Variants in NBPF14 observed in about 807,000 individuals in gnomAD.
NBPF14 encodes the protein NBPF member 14, also known as NBPF family member NBPF14.
Under a neutral mutation model 91.2 loss-of-function variants are expected in NBPF14, and 104 were observed. That is an observed-to-expected ratio of 1.14 (90% CI 0.97 to 1.34). The LOEUF (loss-of-function observed/expected upper bound fraction) is 1.34, where lower values mean the gene tolerates loss of function less well. NBPF14 is among the 40% of genes most tolerant of loss of function. The pLI, the probability that NBPF14 is intolerant of heterozygous loss-of-function variation, is 0.00. For synonymous variants in NBPF14, 294 were observed against 303.8 expected (o/e 0.97, Z 0.34); for missense variants, 908 against 783.0 (o/e 1.16, Z -1.91).
intron 4 of NBPF14, 111 bp downstream of exon 4, chr1:148,592,441 G>A (rs1171872951): frequency 2.9e-6 from 2 of 696,062 alleles, no homozygotes; most frequent in Non-Finnish European, 4.7e-6. Flanking sequence ...TGGCCACATA[G>A]GTGTAGTAGA....
chr1:148,533,874 G>A (rs1654310437), exon 70 of NBPF14: 8 of 763,450 alleles, frequency 1.0e-5, no homozygotes, highest in Admixed American at 8.6e-5. Flanking sequence ...GGGCATGGTG[G>A]GTTTTGATCT....
intron 6 of NBPF14, among the ~76,000 whole-genome samples, chr1:148,590,202 A>C (rs1571051404): frequency 7.4e-6 from 1 of 135,120 alleles, no homozygotes; most frequent in Non-Finnish European, 1.6e-5. Context: ...GGCGCCCACC[A>C]CCACGCCCAG....
intron 4 of NBPF14, 111 bp from the exon 5 acceptor site, chr1:148,591,615 G>T: frequency 1.5e-6 from 2 of 1,333,146 alleles, no homozygotes; most frequent in Non-Finnish European, 2.1e-6. Flanking sequence ...GCATTGTACT[G>T]AAAACTCTCA....
chr1:148,533,768 G>A lies in NBPF14; in HGVS notation c.8723+93C>T, dbSNP rs1370595366. On this transcript the variant is annotated intron_variant, in intron 70 of 70. Transcript: ENST00000619423. ...CAGTAGGAGTAATTCAGCCTTTGTT[G>A]AAAATATGACATCAAACACACTCTG... is the stretch of plus-strand genomic sequence containing the variant. The A allele has an allele frequency of 1.2e-5, 9 of 762,510 alleles. 1 individual carries two copies. In the East Asian group the frequency reaches 1.9e-4, roughly 16 times the overall value. 47.2% of individuals were successfully genotyped at this position (762,510 alleles called of 1,614,324 possible).
At chr1:148,532,433 G>C (rs2149462936) in exon 71 of NBPF14, 1 of 159,126 alleles carries the variant, frequency 6.3e-6, no homozygotes, top group South Asian at 1.7e-4. Context: ...CCTAAGTACT[G>C]ACACCAATTG....
intron 7 of NBPF14, 126 bp from the exon 8 acceptor site, chr1:148,587,529 G>C (rs1661750101): frequency 9.5e-7 from 1 of 1,056,348 alleles, no homozygotes; most frequent in Non-Finnish European, 1.4e-6. Context: ...GTCTAGACAG[G>C]GATTTCAACA....
At chr1:148,577,697 G>A (rs1570995580) in intron 14 of NBPF14, among the ~76,000 whole-genome samples, 1 of 146,212 alleles carries the variant, frequency 6.8e-6, no homozygotes. Flanking sequence ...TGAAAAGCAT[G>A]TCCTCAATAA....
chr1:148,577,268 A>C, exon 15 of NBPF14: 2 of 638,244 alleles, frequency 3.1e-6, no homozygotes, highest in Middle Eastern at 8.3e-4. Context: ...CAGTCAGTTC[A>C]AGACAACCTG....
rs1161562573 is a variant in NBPF14 at position 148,594,822 on chromosome 1, C to T, written c.175+721G>A. Among the ~76,000 whole-genome samples, 7 of 85,392 alleles carry T rather than the reference C, an allele frequency of 8.2e-5. 3 individuals carry two copies. The highest frequency in any genetic ancestry group is 4.8e-4 in the African/African-American group (4 of 8,418). The allele number at this position is 85,392 out of a possible 152,430, so 56.0% of individuals were successfully genotyped here. A position where few individuals can be genotyped will look rare whatever the true frequency, so the allele number is the denominator to read the frequency against. Reference sequence around the variant, plus strand: ...AAAGGATTCTTCTGCCTCAGCCTCCCGATTAGTGGTGATTACAGTTGCCCG... The same window carrying T: ...AAAGGATTCTTCTGCCTCAGCCTCCTGATTAGTGGTGATTACAGTTGCCCG... On this transcript the variant is annotated intron_variant, in intron 2 of 70. Transcript: ENST00000619423.
intron 64 of NBPF14, among the ~76,000 whole-genome samples, chr1:148,538,247 CAGAGAGAG>C (rs1301984872): frequency 3.1e-5 from 2 of 64,988 alleles, no homozygotes; most frequent in Non-Finnish European, 6.0e-5. Flanking sequence ...CACACACACA[CAGAGAGAG>C]AGAGAACGAG....
chr1:148,587,416 A>C lies in NBPF14; in HGVS notation c.989-13T>G. On this transcript the variant is annotated splice_polypyrimidine_tract_variant and intron_variant, in intron 7 of 70. Transcript: ENST00000619423. ...CACTCTTCATATTCTGAGAAAAGACAGACACACCTACCTCAGTGGAAGGCT... is the reference window on the plus strand; with the variant it reads ...CACTCTTCATATTCTGAGAAAAGACCGACACACCTACCTCAGTGGAAGGCT... 6.4e-7 allele frequency: 1 copy of C among 1,568,160 alleles called. No individual in the cohort carries two copies. Among genetic ancestry groups the C allele is most frequent in the Non-Finnish European group, 8.7e-7 (1 of 1,150,016 alleles).
At chr1:148,559,957 C>G in exon 37 of NBPF14, 3 of 1,366,360 alleles carry the variant, frequency 2.2e-6, no homozygotes, top group Non-Finnish European at 3.0e-6. Flanking sequence ...CAGCAGCTCC[C>G]TGCTGAGCCT....
At chr1:148,577,508 A>G (rs878860903) in intron 14 of NBPF14, among the ~76,000 whole-genome samples, 153 bp from the exon 15 acceptor site, 6 of 150,976 alleles carry the variant, frequency 4.0e-5, no homozygotes, top group Non-Finnish European at 5.9e-5. Flanking sequence ...ATGTTGGGAT[A>G]GACTATGGCC....
intron 16 of NBPF14, among the ~76,000 whole-genome samples, 178 bp downstream of exon 16, chr1:148,576,232 T>C (rs1247446010): frequency 8.2e-6 from 1 of 121,824 alleles, no homozygotes. Flanking sequence ...GAGTAAATGA[T>C]AAGGGGAGGA....
Position 148,534,830 on chromosome 1 carries a change from TTC to T in NBPF14, c.8466_8467del (p.Lys2823ArgfsTer3). The T allele has an allele frequency of 8.9e-7, 1 of 1,127,002 alleles. No individual in the cohort carries two copies. Among genetic ancestry groups the T allele is most frequent in the Non-Finnish European group, 1.3e-6 (1 of 750,986 alleles). The allele number at this position is 1,127,002 out of a possible 1,614,324, so 69.8% of individuals were successfully genotyped here. On this transcript the variant is annotated frameshift_variant, in exon 69 of 71. Coordinates refer to ENST00000619423, the Ensembl canonical transcript of NBPF14. LOFTEE classifies it high-confidence loss of function. ...TGAGTCCTGCAAGACTTCAGGATCT[TTC>T]TCATCCAGCAGCTCCCTGCTGAGCC...
chr1:148,557,729 G>T (rs1282784962), intron 39 of NBPF14, among the ~76,000 whole-genome samples, 187 bp from the exon 40 acceptor site: 6 of 128,756 alleles, frequency 4.7e-5, no homozygotes, highest in Admixed American at 3.1e-4. Flanking sequence ...CAGAACCAAG[G>T]GTGAAATATC....
chr1:148,586,947 G>C (rs1469088503), intron 8 of NBPF14, among the ~76,000 whole-genome samples: 1 of 145,500 alleles, frequency 6.9e-6, no homozygotes, highest in African/African-American at 2.5e-5. Flanking sequence ...AGAAGCCGCA[G>C]TCAGTCAGGA....
At chr1:148,557,978 G>A (rs1311399076) in intron 39 of NBPF14, among the ~76,000 whole-genome samples, 3 of 35,916 alleles carry the variant, frequency 8.4e-5, no homozygotes, top group African/African-American at 5.9e-4. Context: ...ATACTTCTGT[G>A]AATTTTTTAC....
At chr1:148,541,943 A>G (rs1297732507) in intron 59 of NBPF14, 104 bp from the exon 60 acceptor site, 3 of 45,714 alleles carry the variant, frequency 6.6e-5, no homozygotes, top group Admixed American at 5.7e-4. Flanking sequence ...TCCTCAGCAT[A>G]AGAATAGGAC....
Sources: gnomAD v4.1 joint callset for allele counts (sites outside exome capture counted in the v4.1 genomes callset) on GRCh38, gnomAD v4.1.1 for gene constraint, MANE v1.5 for transcripts, NCBI Gene and HGNC (gene_info 2026-07-23, HGNC 2026-07-21) for gene names.